SV2C: variants seen among roughly 807,000 people sequenced by gnomAD.
SV2C encodes the protein synaptic vesicle glycoprotein 2C.
SV2C carries 49 observed loss-of-function variants against 79.7 expected under a neutral mutation model. The ratio of observed to expected loss-of-function variants is 0.61; its 90% confidence interval spans 0.49 to 0.78. The LOEUF (loss-of-function observed/expected upper bound fraction) is 0.78, where lower values mean the gene tolerates loss of function less well. Among genes scored for constraint, SV2C ranks in the 30% least tolerant of loss-of-function variants. The probability of loss-of-function intolerance (pLI) is 0.00; values close to 1 mark genes in which losing one functional copy is unlikely to be tolerated. For missense variants in SV2C, 833 were observed against 912.9 expected (o/e 0.91, Z 1.13); for synonymous variants, 334 against 333.2 (o/e 1.00, Z -0.03).
chr5:76,232,413 C>G (rs201049415), intron 4 of SV2C, among the ~76,000 whole-genome samples: 5,478 of 146,938 alleles, frequency 0.037, 214 homozygotes, highest in African/African-American at 0.11. Flanking sequence ...ATGGTAGTTT[C>G]TTTTGCTGTG....
the SV2C span, among the ~76,000 whole-genome samples, chr5:75,959,461 C>G: frequency 1.3e-5 from 2 of 152,048 alleles, no homozygotes; most frequent in Admixed American, 1.3e-4. Flanking sequence ...GTTCTTGTCT[C>G]TCTTTAATCT....
intron 4 of SV2C, among the ~76,000 whole-genome samples, chr5:76,257,061 G>A (rs1746290515): frequency 6.8e-6 from 1 of 147,020 alleles, no homozygotes; most frequent in African/African-American, 2.4e-5. Context: ...CAGACTCTAG[G>A]CATTTGCAGA....
chr5:75,898,987 C>G, the SV2C span, among the ~76,000 whole-genome samples: 1 of 152,118 alleles, frequency 6.6e-6, no homozygotes, highest in African/African-American at 2.4e-5. Context: ...TGCTAGCGGT[C>G]TAACAATTTT....
At chr5:76,019,660 C>T in the SV2C span, among the ~76,000 whole-genome samples, 2 of 151,968 alleles carry the variant, frequency 1.3e-5, no homozygotes, top group Admixed American at 1.3e-4. Context: ...TGAAAAAACC[C>T]AAGACTCTCG....
At chr5:76,122,688 A>G (rs1294614396) in intron 1 of SV2C, among the ~76,000 whole-genome samples, 1 of 152,006 alleles carries the variant, frequency 6.6e-6, no homozygotes. Flanking sequence ...GAACAAAGAC[A>G]CAACATACCA....
intron 2 of SV2C, among the ~76,000 whole-genome samples, chr5:76,147,988 C>T (rs1247586713): frequency 2.6e-5 from 4 of 151,996 alleles, no homozygotes; most frequent in Admixed American, 6.6e-5. Flanking sequence ...ATTTTAACTG[C>T]CCCTAATTCA....
intron 1 of SV2C, among the ~76,000 whole-genome samples, chr5:76,124,987 A>T (rs1748653488): frequency 2.0e-5 from 3 of 152,212 alleles, no homozygotes; most frequent in African/African-American, 7.2e-5. Context: ...TATATATGCA[A>T]ACAGGTTTGC....
the SV2C span, among the ~76,000 whole-genome samples, chr5:75,987,243 A>C: frequency 4.6e-5 from 7 of 151,984 alleles, no homozygotes; most frequent in African/African-American, 1.7e-4. Flanking sequence ...GTAAGGTAAA[A>C]TCTGACACTT....
At chr5:75,911,801 C>A in the SV2C span, 2 of 580,656 alleles carry the variant, frequency 3.4e-6, no homozygotes, top group South Asian at 2.8e-5. Flanking sequence ...TCCACAGTAC[C>A]AGACAAGAGC....
intron 2 of SV2C, among the ~76,000 whole-genome samples, chr5:76,147,399 C>A (rs541343298): frequency 1.3e-5 from 2 of 152,272 alleles, no homozygotes; most frequent in East Asian, 1.9e-4. Context: ...AACAGGACAG[C>A]CTTTTCTACT....
intron 2 of SV2C, among the ~76,000 whole-genome samples, chr5:76,165,618 C>CA (rs1554037089): frequency 1.3e-5 from 2 of 151,292 alleles, no homozygotes; most frequent in Non-Finnish European, 2.9e-5. Flanking sequence ...TTGAGATTGG[C>CA]TTTTTTTTTC....
At chr5:76,136,054 G>T (rs190113739) in intron 2 of SV2C, among the ~76,000 whole-genome samples, 1 of 152,264 alleles carries the variant, frequency 6.6e-6, no homozygotes, top group Admixed American at 6.5e-5. Flanking sequence ...TTATTGCTGA[G>T]GGTTACAAAG....
chr5:76,327,163 TC>T lies in SV2C; in HGVS notation c.*1619del. 1 of 152,028 alleles carries T rather than the reference TC, an allele frequency of 6.6e-6. No homozygotes were observed. Among genetic ancestry groups the T allele is most frequent in the Admixed American group, 6.6e-5 (1 of 15,244 alleles). The allele number at this position is 152,028 out of a possible 1,614,324, so 9.4% of individuals were successfully genotyped here. A position where few individuals can be genotyped will look rare whatever the true frequency, so the allele number is the denominator to read the frequency against. ...TGCCTCCCCCTCCCCTTCCTAATGA[TC>T]CCTCGCAGAGCTCAGACTAAGTGAA... On this transcript the variant is annotated 3_prime_UTR_variant, in exon 13 of 13. Coordinates refer to ENST00000502798, the MANE Select transcript of SV2C (RefSeq NM_014979.4).
At chr5:76,263,797 T>C (rs1746557303) in intron 4 of SV2C, among the ~76,000 whole-genome samples, 1 of 152,028 alleles carries the variant, frequency 6.6e-6, no homozygotes, top group South Asian at 2.1e-4. Context: ...TCCCACTCTC[T>C]TCCGGTGAGT....
At position 76,277,603 on chromosome 5, in the gene SV2C, G is replaced by A. The variant is rs75264567; in HGVS notation, c.914-7559G>A. Among the ~76,000 whole-genome samples the A allele has an allele frequency of 4.1e-3, 620 of 152,146 alleles. 1 individual carries two copies. Among genetic ancestry groups the A allele is most frequent in the Non-Finnish European group, 5.4e-3 (365 of 67,996 alleles). On this transcript the variant is annotated intron_variant, in intron 4 of 12. Coordinates refer to ENST00000502798, the MANE Select transcript of SV2C (RefSeq NM_014979.4). Reference sequence around the variant, plus strand: ...AGTCTGGATAATATGGTGAAACTCCGTCTCTACAAAAAGTTAGCCGGGCAT... The same window carrying A: ...AGTCTGGATAATATGGTGAAACTCCATCTCTACAAAAAGTTAGCCGGGCAT...
At chr5:75,967,305 G>C in the SV2C span, among the ~76,000 whole-genome samples, 1 of 152,164 alleles carries the variant, frequency 6.6e-6, no homozygotes, top group African/African-American at 2.4e-5. Flanking sequence ...ATCTCACTGG[G>C]GAGTGCTGGA....
the SV2C span, among the ~76,000 whole-genome samples, chr5:76,060,995 T>C: frequency 6.6e-6 from 1 of 151,922 alleles, no homozygotes; most frequent in East Asian, 1.9e-4. Context: ...GAGAAAGACT[T>C]GGAGATGGCT....
chr5:76,086,580 A>C (rs1747207067), intron 1 of SV2C, among the ~76,000 whole-genome samples: 1 of 152,194 alleles, frequency 6.6e-6, no homozygotes, highest in Admixed American at 6.5e-5. Flanking sequence ...TCTCCATTTA[A>C]ACACAAACTC....
chr5:76,257,574 A>G (rs1227490033), intron 4 of SV2C, among the ~76,000 whole-genome samples: 1 of 149,160 alleles, frequency 6.7e-6, no homozygotes, highest in Non-Finnish European at 1.5e-5. Flanking sequence ...GTGGGGGGAC[A>G]TGGATATGTG....
Sources: allele counts gnomAD v4.1 joint callset (sites outside exome capture counted in the v4.1 genomes callset), GRCh38; gene constraint gnomAD v4.1.1; transcripts MANE v1.5; gene names NCBI Gene and HGNC (gene_info 2026-07-23, HGNC 2026-07-21).